The following ZSWIM6 variants were observed in gnomAD, a reference collection of about 807,000 sequenced individuals.
ZSWIM6 encodes the protein zinc finger SWIM-type containing 6, also known as zinc finger SWIM domain-containing protein 6.
A neutral mutation model predicts 113.2 loss-of-function variants in ZSWIM6; 9 were observed. The ratio of observed to expected loss-of-function variants is 0.08; its 90% CI spans 0.05 to 0.14. The LOEUF (loss-of-function observed/expected upper bound fraction) is 0.14, where lower values mean the gene tolerates loss of function less well. Among genes scored for constraint, ZSWIM6 ranks in the 10% least tolerant of loss-of-function variants. ZSWIM6 has a pLI of 1.00. For missense variants in ZSWIM6, 1,162 were observed against 1,552.2 expected, an observed-to-expected ratio of 0.75 and a Z score of 4.22; for synonymous variants, 611 against 606.5, an observed-to-expected ratio of 1.01 and a Z score of -0.11.
chr5:61,356,762 TA>T (rs1744922416), intron 1 of ZSWIM6, among the ~76,000 whole-genome samples: 1 of 139,520 alleles, frequency 7.2e-6, no homozygotes, highest in African/African-American at 2.6e-5. Flanking sequence ...TTATATATAA[TA>T]TGTATAATAT....
At chr5:61,391,133 C>T (rs1212647151) in intron 1 of ZSWIM6, 3 of 769,258 alleles carry the variant, frequency 3.9e-6, no homozygotes, top group Non-Finnish European at 4.8e-6. Flanking sequence ...TTGCACAGGC[C>T]TCGATGGGTC....
chr5:61,508,297 T>G (rs1435593571), intron 4 of ZSWIM6, among the ~76,000 whole-genome samples: 2 of 152,166 alleles, frequency 1.3e-5, no homozygotes, highest in Non-Finnish European at 2.9e-5. Context: ...ATGTAGAATC[T>G]AATTAGGAAT....
chr5:61,477,444 G>A (rs749752191), intron 2 of ZSWIM6, among the ~76,000 whole-genome samples: 1 of 152,160 alleles, frequency 6.6e-6, no homozygotes, highest in African/African-American at 2.4e-5. Context: ...CTTTGCTGGT[G>A]GTTATCTACA....
At chr5:61,522,893 A>G (rs907704498) in intron 5 of ZSWIM6, among the ~76,000 whole-genome samples, 10 of 152,116 alleles carry the variant, frequency 6.6e-5, no homozygotes, top group Non-Finnish European at 1.0e-4. Context: ...AACATTTTAC[A>G]TTTTACTTTT....
rs76240674 is a variant in ZSWIM6 at position 61,446,837 on chromosome 5, T to C, written c.677-25844T>C. ...ACATACACATAAACACTTCTAAACA[T>C]GTACACGCACACACACACATGCACA... On this transcript the variant is annotated intron_variant, in intron 1 of 13. Coordinates refer to ENST00000252744, the MANE Select transcript of ZSWIM6 (RefSeq NM_020928.2). 2.6e-5 allele frequency among the ~76,000 whole-genome samples: 4 copies of C among 152,196 alleles called. No individual in the cohort carries two copies. The East Asian group carries it at 7.7e-4, about 29-fold the overall frequency.
chr5:61,363,874 CTCCT>C (rs1218720627), intron 1 of ZSWIM6, among the ~76,000 whole-genome samples: 9 of 103,724 alleles, frequency 8.7e-5, no homozygotes, highest in East Asian at 8.1e-4. Flanking sequence ...CCTTCCTTCC[CTCCT>C]TCCTTCCTTC....
intron 5 of ZSWIM6, among the ~76,000 whole-genome samples, chr5:61,522,560 A>C (rs1303716873): frequency 6.6e-6 from 1 of 152,218 alleles, no homozygotes; most frequent in African/African-American, 2.4e-5. Context: ...TTTTCCAATC[A>C]AAAAGAAGTT....
chr5:61,495,908 T>C lies in ZSWIM6; in HGVS notation c.1333+1498T>C, dbSNP rs548399194. 5.9e-5 allele frequency among the ~76,000 whole-genome samples: 9 copies of C among 152,224 alleles called. No homozygotes were observed. The East Asian group carries it at 1.2e-3, about 20-fold the overall frequency. On this transcript the variant is annotated intron_variant, in intron 4 of 13. Transcript: ENST00000252744. ...TTAAATGAATGCAATTTAAAGAGCT[T>C]TGGTACTTAGAGAGACTTAGAATTA...
intron 1 of ZSWIM6, among the ~76,000 whole-genome samples, chr5:61,338,121 CAT>C (rs1266006095): frequency 6.6e-6 from 1 of 150,486 alleles, no homozygotes; most frequent in African/African-American, 2.4e-5. Flanking sequence ...CTGGTAAACA[CAT>C]TCTTACACTC....
chr5:61,340,646 T>C (rs773368214), intron 1 of ZSWIM6, among the ~76,000 whole-genome samples: 5 of 152,156 alleles, frequency 3.3e-5, no homozygotes, highest in Non-Finnish European at 1.5e-5. Context: ...ACTCGTTGAG[T>C]AAATTGTTTA....
intron 10 of ZSWIM6, among the ~76,000 whole-genome samples, chr5:61,538,574 G>A (rs966131399): frequency 6.6e-6 from 1 of 152,108 alleles, no homozygotes; most frequent in African/African-American, 2.4e-5. Flanking sequence ...CTTAGGTTTG[G>A]GTGATGAACA....
intron 1 of ZSWIM6, among the ~76,000 whole-genome samples, chr5:61,379,338 T>C (rs1745433016): frequency 6.7e-6 from 1 of 150,218 alleles, no homozygotes; most frequent in Admixed American, 6.6e-5. Flanking sequence ...AATCTTTTTG[T>C]ATCCTGGAAG....
chr5:61,509,465 GT>G (rs1341183145), intron 4 of ZSWIM6, among the ~76,000 whole-genome samples: 1 of 152,200 alleles, frequency 6.6e-6, no homozygotes, highest in African/African-American at 2.4e-5. Flanking sequence ...TAGAGAAAAT[GT>G]TCAGTAACCC....
chr5:61,518,376 A>G (rs1416030852), intron 4 of ZSWIM6, among the ~76,000 whole-genome samples: 1 of 151,346 alleles, frequency 6.6e-6, no homozygotes, highest in Non-Finnish European at 1.5e-5. Flanking sequence ...TGACTTCCAC[A>G]ATGGTTGAAC....
At chr5:61,456,516 A>T (rs1747208609) in intron 1 of ZSWIM6, among the ~76,000 whole-genome samples, 1 of 152,378 alleles carries the variant, frequency 6.6e-6, no homozygotes, top group South Asian at 2.1e-4. Context: ...CAGCTAGTTT[A>T]TAAGTGGTCC....
At chr5:61,454,067 T>C (rs1747145960) in intron 1 of ZSWIM6, among the ~76,000 whole-genome samples, 1 of 152,110 alleles carries the variant, frequency 6.6e-6, no homozygotes, top group Non-Finnish European at 1.5e-5. Flanking sequence ...CCCATTTATT[T>C]ATTCAATACT....
At chr5:61,482,190 A>G (rs1747884725) in intron 2 of ZSWIM6, among the ~76,000 whole-genome samples, 1 of 152,244 alleles carries the variant, frequency 6.6e-6, no homozygotes, top group South Asian at 2.1e-4. Flanking sequence ...AGGCTTAGGC[A>G]ACATTGTAAT....
intron 5 of ZSWIM6, among the ~76,000 whole-genome samples, chr5:61,524,354 G>T (rs1396223975): frequency 6.6e-6 from 1 of 152,094 alleles, no homozygotes; most frequent in African/African-American, 2.4e-5. Context: ...CATTATTTAT[G>T]CCTCTCAAAT....
intron 5 of ZSWIM6, among the ~76,000 whole-genome samples, chr5:61,524,295 A>C (rs907050010): frequency 7.9e-5 from 12 of 152,046 alleles, no homozygotes; most frequent in African/African-American, 2.7e-4. Flanking sequence ...CAGTTTCACT[A>C]TCCATCCACC....
Sources: gnomAD v4.1 joint callset for allele counts (sites outside exome capture counted in the v4.1 genomes callset) on GRCh38, gnomAD v4.1.1 for gene constraint, MANE v1.5 for transcripts, NCBI Gene and HGNC (gene_info 2026-07-23, HGNC 2026-07-21) for gene names.